Variants in STT3A observed in about 807,000 individuals in gnomAD.
The protein encoded by STT3A is STT3 oligosaccharyltransferase complex catalytic subunit A, also known as dolichyl-diphosphooligosaccharide--protein glycosyltransferase subunit STT3A.
Under a neutral mutation model 89.2 loss-of-function variants are expected in STT3A, and 34 were observed. That is an observed-to-expected ratio of 0.38 (90% CI 0.29 to 0.51). STT3A has a LOEUF of 0.51. Ranked by LOEUF, STT3A falls within the 20% of genes least tolerant of loss-of-function variation. The pLI, the probability that STT3A is intolerant of heterozygous loss-of-function variation, is 0.89. For missense variants in STT3A, 555 were observed against 889.5 expected, an observed-to-expected ratio of 0.62 and a Z score of 4.78; for synonymous variants, 282 against 310.3, an observed-to-expected ratio of 0.91 and a Z score of 0.96.
At chr11:125,611,206 T>G (rs1196095840) in intron 10 of STT3A, 1 of 399,994 alleles carries the variant, frequency 2.5e-6, no homozygotes, top group Non-Finnish European at 4.5e-6. Flanking sequence ...TAGCTCCTTG[T>G]TTTTGGACAT....
At position 125,605,690 on chromosome 11, in the gene STT3A, T is replaced by C. The variant is rs1179200042; in HGVS notation, c.570T>C (p.Gly190=). Residue 190 remains glycine, a synonymous_variant, in exon 7 of 18, where the codon GGT becomes GGC. Coordinates refer to ENST00000392708, the MANE Select transcript of STT3A (RefSeq NM_152713.5). ...TGTGGATCAAGGCAGTAAAGACTGG[T>C]TCCATCTGTTGGGCAGCTAAGTGTG... ...YYMWIKAVKT[G]SICWAAKCAL... The C allele has an allele frequency of 6.2e-7, 1 of 1,614,098 alleles. No individual in the cohort carries two copies. Among genetic ancestry groups the C allele is most frequent in the African/African-American group, 1.3e-5 (1 of 75,056 alleles).
chr11:125,608,381 C>A, intron 9 of STT3A, 92 bp downstream of exon 9: 14 of 1,275,254 alleles, frequency 1.1e-5, no homozygotes, highest in Non-Finnish European at 1.5e-5. Context: ...GTGGTGCGAT[C>A]TCGGCTCACT....
At chr11:125,609,755 C>A in intron 10 of STT3A, 166 bp downstream of exon 10, 1 of 679,078 alleles carries the variant, frequency 1.5e-6, no homozygotes, top group Non-Finnish European at 2.3e-6. Context: ...GAGCAGAAGT[C>A]AGAAGTTCAA....
chr11:125,598,288 G>C (rs555568324), intron 3 of STT3A, among the ~76,000 whole-genome samples: 1 of 152,244 alleles, frequency 6.6e-6, no homozygotes, highest in Admixed American at 6.5e-5. Context: ...TATTCAGTAC[G>C]TGGAGGAACC....
At position 125,611,538 on chromosome 11, in the gene STT3A, T is replaced by C. The variant is rs1271702566; in HGVS notation, c.1209+19T>C. On this transcript the variant is annotated intron_variant, in intron 11 of 17. Coordinates refer to ENST00000392708, the MANE Select transcript of STT3A (RefSeq NM_152713.5). ...TGTAATGGTGAGGATGCCCTCAGTC[T>C]GGTAGACTTTTTCACTCTAACTCTG... is the stretch of plus-strand genomic sequence containing the variant. 1 of 1,609,272 alleles carries C rather than the reference T, an allele frequency of 6.2e-7. No individual in the cohort carries two copies. The highest frequency in any genetic ancestry group is 8.5e-7 in the Non-Finnish European group (1 of 1,176,328).
At position 125,613,034 on chromosome 11, in the gene STT3A, T is replaced by C; in HGVS notation, c.1411T>C (p.Tyr471His). The change falls in exon 13 of 18, where the codon TAC becomes CAC. Residue 471 changes from tyrosine to histidine, a missense_variant. Tyr to His is a moderately conservative substitution (Grantham distance 83). Around this residue, in one of 5 missense-constraint regions of STT3A, gnomAD observed 273 missense variants for 449.8 expected, o/e 0.61. Transcript: ENST00000392708. The surrounding 1 kb of genome is among the most constrained non-coding windows in gnomAD (Gnocchi z 4.2). The part of the protein sequence containing the change: ...ILVMAFFLIT[Y>H]TFHSTWVTSE... ...GGTCATGGCTTTCTTTCTCATCACCTACACCTTTCATTCAACCTGGGTGAC... is the reference window on the plus strand; with the variant it reads ...GGTCATGGCTTTCTTTCTCATCACCCACACCTTTCATTCAACCTGGGTGAC... 1 of 1,614,232 alleles carries C rather than the reference T, an allele frequency of 6.2e-7. No individual in the cohort carries two copies. The highest frequency in any genetic ancestry group is 1.1e-5 in the South Asian group (1 of 91,086).
At chr11:125,592,394 C>T (rs1251362012), upstream of STT3A, 3 of 456,284 alleles carry the variant, frequency 6.6e-6, no homozygotes, top group South Asian at 1.5e-5. Flanking sequence ...CTCCTTTCAC[C>T]TTGTATTAGG....
In STT3A at chr11:125,605,548, G is replaced by A. The variant is rs12284664; in HGVS notation, c.509-81G>A. 0.071 allele frequency: 68,124 copies of A among 959,574 alleles called. 3,444 individuals carry two copies. The highest frequency in any genetic ancestry group is 0.22 in the African/African-American group (13,281 of 60,210). 59.4% of individuals were successfully genotyped at this position (959,574 alleles called of 1,614,324 possible). On this transcript the variant is annotated intron_variant, in intron 6 of 17. Coordinates refer to ENST00000392708, the MANE Select transcript of STT3A (RefSeq NM_152713.5). ...ACACTATTACTTGGTAGTAGATCCAGGCAGTCTGTTCCAGAACAGTATTCT... is the reference window on the plus strand; with the variant it reads ...ACACTATTACTTGGTAGTAGATCCAAGCAGTCTGTTCCAGAACAGTATTCT...
intron 3 of STT3A, among the ~76,000 whole-genome samples, chr11:125,601,644 A>G (rs1939683395): frequency 6.6e-6 from 1 of 151,984 alleles, no homozygotes; most frequent in East Asian, 1.9e-4. Context: ...ATAAATAAGA[A>G]AGCCAAAATC....
At chr11:125,596,066 T>C in intron 2 of STT3A, 63 bp downstream of exon 2, 2 of 1,229,962 alleles carry the variant, frequency 1.6e-6, no homozygotes, top group Non-Finnish European at 2.3e-6. Flanking sequence ...AGAAAAAAAT[T>C]GAAAATCGCT....
At position 125,619,992 on chromosome 11, in the gene STT3A, C is replaced by G. The variant is rs1940301372; in HGVS notation, c.1964-19C>G. 1 of 1,605,350 alleles carries G rather than the reference C, an allele frequency of 6.2e-7. No homozygotes were observed. The highest frequency in any genetic ancestry group is 8.5e-7 in the Non-Finnish European group (1 of 1,173,012). ...TTAGCACTGTAGAAAGAAGTGTGTT[C>G]TTTTTCATCCCTCTCTAGAGCGTCC... On this transcript the variant is annotated intron_variant, in intron 16 of 17. Coordinates refer to ENST00000392708, the MANE Select transcript of STT3A (RefSeq NM_152713.5).
At chr11:125,594,093 AT>A (rs1197990018) in intron 1 of STT3A, among the ~76,000 whole-genome samples, 3 of 152,236 alleles carry the variant, frequency 2.0e-5, no homozygotes, top group Non-Finnish European at 4.4e-5. Context: ...GACAAAAAAA[AT>A]AAGGTGATGA....
chr11:125,614,163 A>G lies in STT3A; in HGVS notation c.1631A>G (p.Asn544Ser). 1 of 1,614,244 alleles carries G rather than the reference A, an allele frequency of 6.2e-7. No homozygotes were observed. Among genetic ancestry groups the G allele is most frequent in the Non-Finnish European group, 8.5e-7 (1 of 1,180,046 alleles). Residue 544 changes from asparagine (N) to serine (S), a missense_variant, in exon 14 of 18, where the codon AAT becomes AGT. By Grantham distance (46) the Asn-to-Ser change is conservative. Around this residue, in one of 5 missense-constraint regions of STT3A, gnomAD observed 273 missense variants for 449.8 expected, o/e 0.61. Coordinates refer to ENST00000392708, the MANE Select transcript of STT3A (RefSeq NM_152713.5). The surrounding 1 kb of genome is among the most constrained non-coding windows in gnomAD (Gnocchi z 4.9). ...GCAAACCGAACAATTTTAGTGGACA[A>G]TAACACATGGAATAATACCCATATT... ...AMANRTILVD[N>S]NTWNNTHISR...
At position 125,602,442 on chromosome 11, in the gene STT3A, GTT is replaced by G. The variant is rs527876553; in HGVS notation, c.271+28_271+29del. The stretch of plus-strand genomic sequence containing the variant: ...TTACCCAGGTGAGGAGACCAGATGT[GTT>G]TTTTTTTTTAAAAAAAAAACAGAAA... On this transcript the variant is annotated intron_variant, in intron 4 of 17. Transcript: ENST00000392708. 2.1e-4 allele frequency: 267 copies of G among 1,266,956 alleles called. No individual in the cohort carries two copies. The African/African-American group carries it at 2.9e-3, about 14-fold the overall frequency. The allele number at this position is 1,266,956 out of a possible 1,614,324, so 78.5% of individuals were successfully genotyped here.
intron 15 of STT3A, among the ~76,000 whole-genome samples, chr11:125,615,793 G>A (rs1438544624): frequency 1.3e-5 from 2 of 152,186 alleles, no homozygotes; most frequent in African/African-American, 2.4e-5. Flanking sequence ...GCTCATGCCT[G>A]TAATCTGAGC....
At chr11:125,602,706 A>C in intron 4 of STT3A, 97 bp from the exon 5 acceptor site, 1 of 1,503,076 alleles carries the variant, frequency 6.7e-7, no homozygotes, top group East Asian at 2.3e-5. Flanking sequence ...ATTTGTCAAG[A>C]CTTACATAGT....
At chr11:125,598,893 C>G (rs1364104272) in intron 3 of STT3A, among the ~76,000 whole-genome samples, 2 of 152,228 alleles carry the variant, frequency 1.3e-5, no homozygotes, top group African/African-American at 4.8e-5. Context: ...CAGGTATGGG[C>G]TTCCATGCCC....
In STT3A at chr11:125,611,658, T is replaced by G; in HGVS notation, c.1209+139T>G. ...ATTTGAGGGAATGAGTTGTAAGTTG[T>G]TGATCCTTTCCAGGAACGTATGGGA... On this transcript the variant is annotated intron_variant, in intron 11 of 17. Transcript: ENST00000392708. 3.9e-6 allele frequency: 3 copies of G among 762,262 alleles called. No individual in the cohort carries two copies. The East Asian group carries it at 8.0e-5, about 20-fold the overall frequency. 47.2% of individuals were successfully genotyped at this position (762,262 alleles called of 1,614,324 possible). A position where few individuals can be genotyped will look rare whatever the true frequency, so the allele number is the denominator to read the frequency against.
At position 125,596,012 on chromosome 11, in the gene STT3A, G is replaced by C. The variant is rs1277341918; in HGVS notation, c.88+9G>C. On this transcript the variant is annotated intron_variant, in intron 2 of 17. Coordinates refer to ENST00000392708, the MANE Select transcript of STT3A (RefSeq NM_152713.5). ...AATGGCTGCTGTATTATGTGAGTGTGCATGTGAACCTCTCTTTCTTTGGGG... is the reference window on the plus strand; with the variant it reads ...AATGGCTGCTGTATTATGTGAGTGTCCATGTGAACCTCTCTTTCTTTGGGG... The C allele has an allele frequency of 6.3e-7, 1 of 1,591,250 alleles. No homozygotes were observed. Among genetic ancestry groups the C allele is most frequent in the Admixed American group, 1.7e-5 (1 of 57,852 alleles).
Sources: gnomAD v4.1 joint callset for allele counts (sites outside exome capture counted in the v4.1 genomes callset) on GRCh38, gnomAD v4.1.1 for gene constraint, gnomAD v4.1.1 regional missense constraint, Gnocchi (gnomAD v3.1) non-coding constraint, MANE v1.5 for transcripts, NCBI Gene and HGNC (gene_info 2026-07-23, HGNC 2026-07-21) for gene names.